Variants in TMC1 observed in about 807,000 individuals in gnomAD.
TMC1 encodes the protein transmembrane channel like 1.
Under a neutral mutation model 105.8 loss-of-function variants are expected in TMC1, and 84 were observed. That is an observed-to-expected ratio of 0.79 (90% CI 0.67 to 0.95). The LOEUF (loss-of-function observed/expected upper bound fraction) is 0.95, where lower values mean the gene tolerates loss of function less well. Ranked by LOEUF, TMC1 falls within the 40% of genes least tolerant of loss-of-function variation. The pLI is 0.00. For missense variants in TMC1, 817 were observed against 914.1 expected, an observed-to-expected ratio of 0.89 and a Z score of 1.37; for synonymous variants, 315 against 311.5, an observed-to-expected ratio of 1.01 and a Z score of -0.12.
chr9:72,540,416 T>C (rs896430838), intron 1 of TMC1, among the ~76,000 whole-genome samples: 2 of 152,132 alleles, frequency 1.3e-5, no homozygotes, highest in African/African-American at 4.8e-5. Flanking sequence ...GCCACATGGG[T>C]AGTAAAATCA....
chr9:72,734,557 G>A (rs2117995498), intron 8 of TMC1, among the ~76,000 whole-genome samples: 1 of 151,832 alleles, frequency 6.6e-6, no homozygotes, highest in African/African-American at 2.4e-5. Flanking sequence ...GAGGCCTCTA[G>A]TTCTTATTTT....
At chr9:72,801,795 A>G (rs1472550167) in intron 17 of TMC1, among the ~76,000 whole-genome samples, 4 of 152,192 alleles carry the variant, frequency 2.6e-5, no homozygotes, top group South Asian at 4.1e-4. Flanking sequence ...CTGGGCTACC[A>G]TTGTTTGGAT....
intron 14 of TMC1, 34 bp from the exon 15 acceptor site, chr9:72,789,089 G>A (rs779809341): frequency 2.5e-6 from 4 of 1,603,448 alleles, no homozygotes; most frequent in Non-Finnish European, 3.4e-6. Flanking sequence ...TCTATTTTGG[G>A]TTTTTGTTTG....
At chr9:72,821,107 A>T (rs1191493250) in intron 20 of TMC1, 26 bp downstream of exon 20, 1 of 1,614,036 alleles carries the variant, frequency 6.2e-7, no homozygotes, top group South Asian at 1.1e-5. Context: ...AATTTGACTC[A>T]GGCATCGTGT....
intron 17 of TMC1, among the ~76,000 whole-genome samples, chr9:72,794,404 CTG>C (rs1397978565): frequency 2.0e-5 from 3 of 152,176 alleles, no homozygotes; most frequent in Non-Finnish European, 2.9e-5. Flanking sequence ...ATGGCTGCAA[CTG>C]TGCGGCAACA....
Position 72,742,514 on chromosome 9 carries a change from A to G in TMC1, c.524A>G (p.Lys175Arg). The G allele has an allele frequency of 1.9e-6, 3 of 1,614,008 alleles. No homozygotes were observed. The highest frequency in any genetic ancestry group is 2.5e-6 in the Non-Finnish European group (3 of 1,179,874). ...TGTGTCCCATGGGAAAATAAAATCA[A>G]GGCTATTGAAAGTAAGTCCTTATCA... is the stretch of plus-strand genomic sequence containing the variant. ...AACVPWENKI[K>R]AIESQFGSSV... Residue 175 changes from lysine to arginine, a missense_variant, in exon 10 of 24, where the codon AAG (lysine) becomes AGG (arginine). By Grantham distance (26) the Lys-to-Arg change is conservative. Coordinates refer to ENST00000297784, the MANE Select transcript of TMC1 (RefSeq NM_138691.3).
intron 8 of TMC1, among the ~76,000 whole-genome samples, chr9:72,704,102 A>T (rs1012493945): frequency 6.6e-6 from 1 of 152,154 alleles, no homozygotes; most frequent in African/African-American, 2.4e-5. Context: ...GGAGTGAGGC[A>T]GCTTTCCCTC....
At chr9:72,536,574 C>T (rs563444493) in intron 1 of TMC1, among the ~76,000 whole-genome samples, 27 of 152,280 alleles carry the variant, frequency 1.8e-4, no homozygotes, top group African/African-American at 4.1e-4. Context: ...CCTCGTGATC[C>T]GCCTGCCTCA....
intron 5 of TMC1, among the ~76,000 whole-genome samples, chr9:72,665,241 G>A (rs1158070188): frequency 6.6e-6 from 1 of 152,182 alleles, no homozygotes; most frequent in Non-Finnish European, 1.5e-5. Flanking sequence ...ATTGTATGAG[G>A]TACTTGAATA....
At chr9:72,828,148 C>T (rs1490030366) in intron 21 of TMC1, among the ~76,000 whole-genome samples, 2 of 152,142 alleles carry the variant, frequency 1.3e-5, no homozygotes, top group Non-Finnish European at 2.9e-5. Flanking sequence ...GAGCTAATAA[C>T]CTGTAGGGAT....
chr9:72,769,243 T>C (rs1050401742), intron 12 of TMC1, among the ~76,000 whole-genome samples: 1 of 152,222 alleles, frequency 6.6e-6, no homozygotes, highest in Non-Finnish European at 1.5e-5. Context: ...ATTGAATTTT[T>C]GTGTGTGCAG....
At chr9:72,625,047 CT>C (rs929714826) in intron 3 of TMC1, among the ~76,000 whole-genome samples, 12 of 152,178 alleles carry the variant, frequency 7.9e-5, no homozygotes, top group African/African-American at 2.9e-4. Flanking sequence ...TCTGAAAATT[CT>C]TTGACACTGT....
chr9:72,701,893 G>T (rs1826652338), intron 8 of TMC1, among the ~76,000 whole-genome samples: 1 of 152,174 alleles, frequency 6.6e-6, no homozygotes, highest in Non-Finnish European at 1.5e-5. Context: ...CAAAATTGCA[G>T]TCTGGGAACT....
intron 18 of TMC1, among the ~76,000 whole-genome samples, chr9:72,807,819 G>A (rs920773515): frequency 6.6e-6 from 1 of 152,202 alleles, no homozygotes; most frequent in African/African-American, 2.4e-5. Flanking sequence ...CATGCATCTG[G>A]CAAGTGGTGG....
chr9:72,793,189 G>A (rs1828305448), intron 17 of TMC1, among the ~76,000 whole-genome samples: 1 of 152,090 alleles, frequency 6.6e-6, no homozygotes, highest in Non-Finnish European at 1.5e-5. Flanking sequence ...TGGGCTTCCT[G>A]TCAAAAGTAG....
intron 2 of TMC1, among the ~76,000 whole-genome samples, chr9:72,613,511 CT>C (rs1458516947): frequency 2.0e-5 from 3 of 152,060 alleles, no homozygotes; most frequent in African/African-American, 4.8e-5. Context: ...TTTTTGCCCC[CT>C]GATTATCTTT....
rs188807908 is a variant in TMC1 at position 72,715,092 on chromosome 9, A to G, written c.362+14449A>G. Among the ~76,000 whole-genome samples, 584 of 151,392 alleles carry G rather than the reference A, an allele frequency of 3.9e-3. 2 individuals are homozygous for G. The highest frequency in any genetic ancestry group is 0.013 in the African/African-American group (558 of 41,434). ...TTCTTTAAGAATGTTGAATATTGGC[A>G]CTGTCTTCTGGCTTGTAGGGTTTCT... On this transcript the variant is annotated intron_variant, in intron 8 of 23. Coordinates refer to ENST00000297784, the MANE Select transcript of TMC1 (RefSeq NM_138691.3).
chr9:72,627,999 C>T lies in TMC1; in HGVS notation c.-117C>T. The T allele has an allele frequency of 2.2e-6, 1 of 455,610 alleles. No individual in the cohort carries two copies. The highest frequency in any genetic ancestry group is 4.4e-6 in the Non-Finnish European group (1 of 226,708). The allele number at this position is 455,610 out of a possible 1,614,324, so 28.2% of individuals were successfully genotyped here. A position where few individuals can be genotyped will look rare whatever the true frequency, so the allele number is the denominator to read the frequency against. On this transcript the variant is annotated 5_prime_UTR_variant, in exon 4 of 24. Transcript: ENST00000297784. ...TCTGCTGGGGGCAGCAACTTTGAGCCTGTGGGGAAGGAACTGTCCACGTGG... is the reference window on the plus strand; with the variant it reads ...TCTGCTGGGGGCAGCAACTTTGAGCTTGTGGGGAAGGAACTGTCCACGTGG...
At chr9:72,733,217 G>C (rs1393130443) in intron 8 of TMC1, among the ~76,000 whole-genome samples, 1 of 151,616 alleles carries the variant, frequency 6.6e-6, no homozygotes, top group Admixed American at 6.6e-5. Flanking sequence ...GAGAGAGATA[G>C]AGAGAGAGAG....
Sources: gnomAD v4.1 joint callset for allele counts (sites outside exome capture counted in the v4.1 genomes callset) on GRCh38, gnomAD v4.1.1 for gene constraint, MANE v1.5 for transcripts, NCBI Gene and HGNC (gene_info 2026-07-23, HGNC 2026-07-21) for gene names.